PUS7: variants seen among roughly 807,000 people sequenced by gnomAD.
PUS7 encodes the protein pseudouridine synthase 7.
A neutral mutation model predicts 79.8 loss-of-function variants in PUS7; 48 were observed. The ratio of observed to expected loss-of-function variants is 0.60; its 90% CI spans 0.48 to 0.76. The LOEUF is 0.76. PUS7 is among the 30% of genes least tolerant of loss of function. The pLI is 0.00. For synonymous variants in PUS7, 286 were observed against 272.2 expected (o/e 1.05, Z -0.50); for missense variants, 729 against 797.6 (o/e 0.91, Z 1.04).
chr7:105,467,859 A>AT (rs1030337175), intron 12 of PUS7, among the ~76,000 whole-genome samples: 2 of 151,388 alleles, frequency 1.3e-5, no homozygotes, highest in Non-Finnish European at 1.5e-5. Flanking sequence ...CCAGATATAC[A>AT]TTTTTTCTTT....
intron 5 of PUS7, among the ~76,000 whole-genome samples, chr7:105,495,995 A>G (rs1312374312): frequency 1.3e-5 from 2 of 152,006 alleles, no homozygotes; most frequent in Non-Finnish European, 2.9e-5. Context: ...CCCCGTCTCT[A>G]CTAAAAATAC....
chr7:105,484,003 G>A (rs1327876536), intron 7 of PUS7, among the ~76,000 whole-genome samples: 3 of 152,138 alleles, frequency 2.0e-5, no homozygotes, highest in Non-Finnish European at 2.9e-5. Flanking sequence ...AAACACTTTG[G>A]TAGAAATATT....
intron 9 of PUS7, among the ~76,000 whole-genome samples, chr7:105,473,126 C>G: frequency 6.6e-6 from 1 of 152,046 alleles, no homozygotes; most frequent in East Asian, 1.9e-4. Flanking sequence ...TGAAACTTCT[C>G]AAAAGATTTA....
chr7:105,501,971 TATA>T (rs1460952512), intron 5 of PUS7, among the ~76,000 whole-genome samples: 1 of 71,352 alleles, frequency 1.4e-5, no homozygotes, highest in Non-Finnish European at 2.9e-5. Flanking sequence ...AAAAAAAAAA[TATA>T]TATATATATA....
chr7:105,507,252 C>T (rs1047842195), intron 2 of PUS7, among the ~76,000 whole-genome samples: 9 of 151,878 alleles, frequency 5.9e-5, no homozygotes, highest in African/African-American at 2.2e-4. Flanking sequence ...CGCCATGTTG[C>T]CCAGGCTGGT....
At chr7:105,515,158 G>A (rs1825847845) in intron 1 of PUS7, among the ~76,000 whole-genome samples, 1 of 152,092 alleles carries the variant, frequency 6.6e-6, no homozygotes, top group Admixed American at 6.6e-5. Context: ...TTGGTGTCCT[G>A]CTTATGCTTA....
rs754108970 is a variant in PUS7, at chr7:105,508,193, T to TG, written c.319dup (p.His107ProfsTer5). 17 of 1,614,078 alleles carry TG rather than the reference T, an allele frequency of 1.1e-5. No homozygotes were observed. Among genetic ancestry groups the TG allele is most frequent in the Non-Finnish European group, 1.3e-5 (15 of 1,180,038 alleles). On this transcript the variant is annotated frameshift_variant, in exon 2 of 16. Coordinates refer to ENST00000469408, the MANE Select transcript of PUS7 (RefSeq NM_019042.5). LOFTEE classifies it high-confidence loss of function. ...GCCTACGTCAGCCTCAGTGAGTCCA[T>TG]GCTTCATCATGTCTGCAAAACTCTC... is the stretch of plus-strand genomic sequence containing the variant.
rs977932164 is a variant in PUS7, at chr7:105,480,867, G to A, written c.1175+185C>T. Among the ~76,000 whole-genome samples the A allele has an allele frequency of 2.0e-5, 3 of 152,100 alleles. No homozygotes were observed. The East Asian group carries it at 5.8e-4, about 29-fold the overall frequency. On this transcript the variant is annotated intron_variant, in intron 9 of 15. Transcript: ENST00000469408. The stretch of plus-strand genomic sequence containing the variant: ...AGTGGTAGGAAAGCTCACTTTTCAG[G>A]TCATATCCTTTTGAACTCCGATTTT...
intron 10 of PUS7, 90 bp downstream of exon 10, chr7:105,472,042 C>A (rs818477): frequency 0.16 from 124,025 of 763,138 alleles, 12,572 homozygotes; most frequent in African/African-American, 0.42. Context: ...ACAACAACGT[C>A]AATTTGCACA....
intron 5 of PUS7, among the ~76,000 whole-genome samples, chr7:105,496,196 C>CATAT (rs1159713098): frequency 2.6e-4 from 21 of 81,528 alleles, no homozygotes; most frequent in East Asian, 2.4e-3. Flanking sequence ...CACACACACA[C>CATAT]ATATATATAT....
intron 5 of PUS7, among the ~76,000 whole-genome samples, chr7:105,499,743 T>C (rs1825174366): frequency 6.6e-6 from 1 of 152,152 alleles, no homozygotes; most frequent in African/African-American, 2.4e-5. Context: ...GTTAAGAATA[T>C]TGTGAATCTG....
chr7:105,465,977 G>A (rs1386798828), intron 12 of PUS7, among the ~76,000 whole-genome samples: 1 of 152,052 alleles, frequency 6.6e-6, no homozygotes, highest in Non-Finnish European at 1.5e-5. Flanking sequence ...AGACAACATG[G>A]CGAAACCCCA....
In PUS7 at chr7:105,465,362, A is replaced by C. The variant is rs973594428; in HGVS notation, c.1578T>G (p.Asp526Glu). 3 of 1,613,888 alleles carry C rather than the reference A, an allele frequency of 1.9e-6. No individual in the cohort carries two copies. Among genetic ancestry groups the C allele is most frequent in the Non-Finnish European group, 2.5e-6 (3 of 1,179,788 alleles). Residue 526 changes from aspartate (D) to glutamate (E), a missense_variant, in exon 13 of 16, where the codon GAT (aspartate) becomes GAG (glutamate). Asp to Glu is a conservative substitution (Grantham distance 45). Coordinates refer to ENST00000469408, the MANE Select transcript of PUS7 (RefSeq NM_019042.5). ...CGAAACCAGGCAAGGGCATTACCAC[A>C]TCATGGATAGAGTAATTATTAACAT... Reference protein sequence around the residue: ...EDDVNNYSIHDVVMPLPGFDV... With the variant: ...EDDVNNYSIHEVVMPLPGFDV...
At chr7:105,489,314 C>G (rs1167924060) in intron 7 of PUS7, among the ~76,000 whole-genome samples, 1 of 151,876 alleles carries the variant, frequency 6.6e-6, no homozygotes, top group Non-Finnish European at 1.5e-5. Flanking sequence ...GTTGTGACCT[C>G]TATCCACAGA....
Position 105,459,229 on chromosome 7 carries a change from A to G in PUS7, c.1788T>C (p.Ile596=), listed in dbSNP as rs1300023210. 6 of 1,611,342 alleles carry G rather than the reference A, an allele frequency of 3.7e-6. No individual in the cohort carries two copies. The highest frequency in any genetic ancestry group is 1.3e-5 in the African/African-American group (1 of 74,846). The change falls in exon 15 of 16, where the codon ATT becomes ATC. Residue 596 remains isoleucine (I), a synonymous_variant. Coordinates refer to ENST00000469408, the MANE Select transcript of PUS7 (RefSeq NM_019042.5). ...WEVVAYDDPK[I]PLFNTDVDNL... ...TGTCCACATCTGTGTTGAAAAGTGG[A>G]ATTTTGGGATCATCATATGCAACGA...
At chr7:105,504,851 G>A (rs894645958) in intron 4 of PUS7, among the ~76,000 whole-genome samples, 4 of 151,976 alleles carry the variant, frequency 2.6e-5, no homozygotes, top group Non-Finnish European at 5.9e-5. Flanking sequence ...ACACGCTTTT[G>A]GGAAGCTCAG....
At chr7:105,460,131 C>T (rs990405009) in intron 14 of PUS7, among the ~76,000 whole-genome samples, 17 of 151,856 alleles carry the variant, frequency 1.1e-4, no homozygotes, top group Admixed American at 9.2e-4. Flanking sequence ...GTAGAGATGG[C>T]GTTTCACCGT....
intron 1 of PUS7, among the ~76,000 whole-genome samples, chr7:105,510,236 G>T (rs577215910): frequency 9.8e-4 from 149 of 152,200 alleles, no homozygotes; most frequent in Non-Finnish European, 1.8e-3. Flanking sequence ...GGAGGTGGAG[G>T]TTGTGGTGAG....
chr7:105,459,182 G>T lies in PUS7; in HGVS notation c.1835C>A (p.Pro612Gln). 6.2e-7 allele frequency: 1 copy of T among 1,608,084 alleles called. No individual in the cohort carries two copies. Among genetic ancestry groups the T allele is most frequent in the South Asian group, 1.1e-5 (1 of 90,270 alleles). ...AGTAAACTTACCAGAAGCAAAAACT[G>T]GTGGTGTCTTCCCTTCTAGGTTGTC... The part of the protein sequence containing the change: ...DVDNLEGKTP[P>Q]VFASEGKYRA... The change falls in exon 15 of 16, where the codon CCA becomes CAA. Residue 612 changes from proline to glutamine, a missense_variant. Coordinates refer to ENST00000469408, the MANE Select transcript of PUS7 (RefSeq NM_019042.5).
Sources: gnomAD v4.1 joint callset for allele counts (sites outside exome capture counted in the v4.1 genomes callset) on GRCh38, gnomAD v4.1.1 for gene constraint, MANE v1.5 for transcripts, NCBI Gene and HGNC (gene_info 2026-07-23, HGNC 2026-07-21) for gene names.